ZNF678: variants seen among roughly 807,000 people sequenced by gnomAD.
The protein encoded by ZNF678 is hypothetical protein MGC42493.
ZNF678 carries 5 observed loss-of-function variants against 3.0 expected under a neutral mutation model. The observed-to-expected ratio is 1.69, with a 90% CI of 0.88 to 3.56. The LOEUF (loss-of-function observed/expected upper bound fraction) is 3.56, where lower values mean the gene tolerates loss of function less well. Among genes scored for constraint, ZNF678 ranks in the 30% most tolerant of loss-of-function variants. ZNF678 has a pLI of 0.00. For missense variants in ZNF678, 593 were observed against 605.0 expected (o/e 0.98, Z 0.21); for synonymous variants, 218 against 199.6 (o/e 1.09, Z -0.78).
intron 3 of ZNF678, among the ~76,000 whole-genome samples, chr1:227,652,385 T>A (rs1248821227): frequency 6.6e-6 from 1 of 152,204 alleles, no homozygotes; most frequent in African/African-American, 2.4e-5. Flanking sequence ...TTGTGGTTTT[T>A]AAAATTTTTT....
chr1:227,602,151 A>G (rs576393978), intron 1 of ZNF678, among the ~76,000 whole-genome samples: 6 of 152,294 alleles, frequency 3.9e-5, no homozygotes, highest in African/African-American at 7.2e-5. Context: ...CTGGTTTTCA[A>G]TAACAAAACA....
intron 3 of ZNF678, among the ~76,000 whole-genome samples, chr1:227,651,941 A>G (rs1659101642): frequency 6.6e-6 from 1 of 152,178 alleles, no homozygotes; most frequent in South Asian, 2.1e-4. Flanking sequence ...ATATACAAGA[A>G]GAGGACCTCC....
intron 5 of ZNF678, among the ~76,000 whole-genome samples, chr1:227,668,448 C>T (rs1659545171): frequency 6.6e-6 from 1 of 152,114 alleles, no homozygotes; most frequent in Non-Finnish European, 1.5e-5. Context: ...TATAACAGTC[C>T]ACACACATAT....
chr1:227,563,589 C>A lies in ZNF678; in HGVS notation c.-299C>A. The A allele has an allele frequency of 1.1e-6, 1 of 937,338 alleles. No individual in the cohort carries two copies. Among genetic ancestry groups the A allele is most frequent in the Non-Finnish European group, 1.5e-6 (1 of 653,196 alleles). The allele number at this position is 937,338 out of a possible 1,614,324, so 58.1% of individuals were successfully genotyped here. ...TGTGCTCCAGCTGGAGCTTTGGTCC[C>A]GTATTCTCGGCTATTTATCCCCAGC... On this transcript the variant is annotated 5_prime_UTR_variant, in exon 1 of 4. Coordinates refer to ENST00000343776, the MANE Select transcript of ZNF678 (RefSeq NM_001367909.1).
intron 1 of ZNF678, chr1:227,598,614 G>T: frequency 1.7e-6 from 1 of 589,772 alleles, no homozygotes; most frequent in Non-Finnish European, 2.9e-6. Flanking sequence ...TTTATCTTAA[G>T]AATTTATCGT....
At chr1:227,621,443 C>T (rs1412648783) in intron 1 of ZNF678, among the ~76,000 whole-genome samples, 1 of 152,058 alleles carries the variant, frequency 6.6e-6, no homozygotes, top group Non-Finnish European at 1.5e-5. Context: ...TGGAGCTGGC[C>T]CGTCTTACAA....
chr1:227,665,434 A>G (rs565510654), downstream of ZNF678, among the ~76,000 whole-genome samples: 1 of 152,212 alleles, frequency 6.6e-6, no homozygotes, highest in African/African-American at 2.4e-5. Flanking sequence ...ACAGAATTCA[A>G]CAAAGACAAT....
intron 1 of ZNF678, among the ~76,000 whole-genome samples, chr1:227,611,922 G>C (rs1658031820): frequency 6.6e-6 from 1 of 152,156 alleles, no homozygotes; most frequent in South Asian, 2.1e-4. Context: ...TTGTCAAATG[G>C]AAGGGATACT....
At chr1:227,653,992 A>G (rs1270874920) in intron 3 of ZNF678, among the ~76,000 whole-genome samples, 1 of 151,952 alleles carries the variant, frequency 6.6e-6, no homozygotes, top group Non-Finnish European at 1.5e-5. Context: ...GCTTTGAGGG[A>G]GAAGCCAGGA....
At chr1:227,678,307 A>G (rs141996853), downstream of ZNF678, among the ~76,000 whole-genome samples, 2 of 152,294 alleles carry the variant, frequency 1.3e-5, no homozygotes. Flanking sequence ...CTAAGGGACT[A>G]CACTGTATGT....
chr1:227,614,467 T>C (rs777119559), intron 1 of ZNF678, among the ~76,000 whole-genome samples: 4 of 152,214 alleles, frequency 2.6e-5, no homozygotes, highest in Non-Finnish European at 4.4e-5. Context: ...ATATCACTGC[T>C]TGCTTGACCA....
rs1262233346 is a variant in ZNF678, at chr1:227,655,786, T to G, written c.1536T>G (p.Thr512=). 15 of 1,595,266 alleles carry G rather than the reference T, an allele frequency of 9.4e-6. No homozygotes were observed. Among genetic ancestry groups the G allele is most frequent in the Non-Finnish European group, 1.2e-5 (14 of 1,172,686 alleles). The part of the protein sequence containing the change: ...SIHSKYKRIY[T]GEEPDKCKKC... The stretch of plus-strand genomic sequence containing the variant: ...ATAGTAAGTATAAGAGAATTTATAC[T>G]GGAGAGGAACCTGACAAATGTAAAA... The change falls in exon 4 of 4, where the codon ACT becomes ACG. Residue 512 remains threonine (T), a synonymous_variant. Coordinates refer to ENST00000343776, the MANE Select transcript of ZNF678 (RefSeq NM_001367909.1).
At chr1:227,587,028 A>G (rs1657279430) in intron 1 of ZNF678, among the ~76,000 whole-genome samples, 1 of 152,198 alleles carries the variant, frequency 6.6e-6, no homozygotes, top group South Asian at 2.1e-4. Context: ...TTAACAGTGC[A>G]TTCAATTCAA....
intron 1 of ZNF678, among the ~76,000 whole-genome samples, chr1:227,642,572 C>T (rs541523021): frequency 6.6e-6 from 1 of 152,208 alleles, no homozygotes; most frequent in African/African-American, 2.4e-5. Flanking sequence ...GATCCAGGGT[C>T]AGCTGCTTTA....
At chr1:227,625,824 A>G (rs1290712832) in intron 1 of ZNF678, among the ~76,000 whole-genome samples, 1 of 151,958 alleles carries the variant, frequency 6.6e-6, no homozygotes, top group Non-Finnish European at 1.5e-5. Flanking sequence ...CCCCCATCAG[A>G]CATACCGGTA....
At chr1:227,640,812 C>T (rs1445896834) in intron 1 of ZNF678, among the ~76,000 whole-genome samples, 9 of 151,964 alleles carry the variant, frequency 5.9e-5, no homozygotes, top group Non-Finnish European at 1.2e-4. Flanking sequence ...TTTCCCATAA[C>T]GGAGGGTAGG....
chr1:227,665,815 T>C (rs574600181), downstream of ZNF678, among the ~76,000 whole-genome samples: 61 of 152,362 alleles, frequency 4.0e-4, no homozygotes, highest in African/African-American at 1.4e-3. Flanking sequence ...TTGTGATTAT[T>C]ATTTAATCCA....
At chr1:227,646,763 C>A in intron 2 of ZNF678, 93 bp downstream of exon 2, 1 of 1,160,048 alleles carries the variant, frequency 8.6e-7, no homozygotes, top group Non-Finnish European at 1.1e-6. Context: ...TTGTCATTTG[C>A]ATGAATGAGT....
intron 1 of ZNF678, among the ~76,000 whole-genome samples, chr1:227,577,384 G>T (rs780578085): frequency 2.0e-5 from 3 of 152,148 alleles, no homozygotes; most frequent in Admixed American, 6.6e-5. Flanking sequence ...TTCTTTGAAG[G>T]TCTCTAAGAA....
Sources: allele counts gnomAD v4.1 joint callset (sites outside exome capture counted in the v4.1 genomes callset), GRCh38; gene constraint gnomAD v4.1.1; transcripts MANE v1.5; gene names NCBI Gene and HGNC (gene_info 2026-07-23, HGNC 2026-07-21).